The following ITPK1 variants were observed in gnomAD, a reference collection of about 807,000 sequenced individuals.
ITPK1 encodes the protein inositol 1,3,4-trisphosphate 5/6-kinase.
ITPK1 carries 21 observed loss-of-function variants against 45.3 expected under a neutral mutation model. The observed-to-expected ratio is 0.46, with a 90% CI of 0.33 to 0.67. The LOEUF is 0.67. ITPK1 is among the 30% of genes least tolerant of loss of function. The pLI is 0.02. For missense variants in ITPK1, 474 were observed against 573.5 expected, an observed-to-expected ratio of 0.83 and a Z score of 1.77; for synonymous variants, 258 against 253.6, an observed-to-expected ratio of 1.02 and a Z score of -0.16.
chr14:92,942,508 G>A (rs918864187), intron 10 of ITPK1, among the ~76,000 whole-genome samples: 1 of 152,210 alleles, frequency 6.6e-6, no homozygotes, highest in African/African-American at 2.4e-5. Flanking sequence ...CGCCCCAACT[G>A]AGTCTGCTTC....
chr14:93,097,726 C>T (rs768880047), intron 2 of ITPK1, among the ~76,000 whole-genome samples: 10 of 152,214 alleles, frequency 6.6e-5, no homozygotes, highest in Non-Finnish European at 1.0e-4. Context: ...TGGGAAAAAT[C>T]GGCCAGGCAC....
chr14:93,097,601 A>G (rs1892132899), intron 2 of ITPK1, among the ~76,000 whole-genome samples: 1 of 152,252 alleles, frequency 6.6e-6, no homozygotes, highest in Non-Finnish European at 1.5e-5. Flanking sequence ...ATGGGTTGTT[A>G]TGCATCAATA....
chr14:93,072,081 G>A (rs1462744111), intron 3 of ITPK1: 1 of 150,928 alleles, frequency 6.6e-6, no homozygotes. Context: ...ATCACCTGAG[G>A]TCAGCAGTTC....
Position 93,115,286 on chromosome 14 carries a change from C to A in ITPK1, c.-123G>T. On this transcript the variant is annotated 5_prime_UTR_variant, in exon 2 of 11. Transcript: ENST00000267615. ...GGCGGCGGGGACGCGGAACGGGGAT[C>A]GGAGCTGGGGCGCGCAGTCCTGCCG... is the stretch of plus-strand genomic sequence containing the variant. 1 of 619,710 alleles carries A rather than the reference C, an allele frequency of 1.6e-6. No homozygotes were observed. Among genetic ancestry groups the A allele is most frequent in the East Asian group, 3.4e-5 (1 of 29,802 alleles). 38.4% of individuals were successfully genotyped at this position (619,710 alleles called of 1,614,324 possible). A position where few individuals can be genotyped will look rare whatever the true frequency, so the allele number is the denominator to read the frequency against.
At chr14:93,088,336 G>GGT (rs1555375229) in intron 2 of ITPK1, among the ~76,000 whole-genome samples, 1 of 126,632 alleles carries the variant, frequency 7.9e-6, no homozygotes, top group Non-Finnish European at 1.5e-5. Flanking sequence ...TTTTGGTTTT[G>GGT]TTTTGTTTTT....
chr14:93,078,869 C>A (rs1417256031), intron 2 of ITPK1, among the ~76,000 whole-genome samples: 1 of 152,174 alleles, frequency 6.6e-6, no homozygotes, highest in Non-Finnish European at 1.5e-5. Context: ...CCTTGAGGAG[C>A]CAGCCCAAAC....
chr14:93,041,596 C>A (rs1048455701), intron 3 of ITPK1, among the ~76,000 whole-genome samples: 1 of 152,228 alleles, frequency 6.6e-6, no homozygotes, highest in Non-Finnish European at 1.5e-5. Flanking sequence ...GGCCCTGTGG[C>A]AGGCAGGCAG....
At chr14:93,077,758 G>A (rs1313457803) in intron 2 of ITPK1, among the ~76,000 whole-genome samples, 1 of 152,142 alleles carries the variant, frequency 6.6e-6, no homozygotes, top group Non-Finnish European at 1.5e-5. Context: ...GCCTCTCCAG[G>A]ACGCCTCCTA....
intron 2 of ITPK1, among the ~76,000 whole-genome samples, chr14:93,082,782 T>C (rs1240531051): frequency 6.6e-6 from 1 of 152,196 alleles, no homozygotes; most frequent in East Asian, 1.9e-4. Context: ...GCAGTACAAA[T>C]GGCACTGCCT....
intron 5 of ITPK1, among the ~76,000 whole-genome samples, chr14:92,977,731 T>C (rs192909914): frequency 3.3e-5 from 5 of 152,022 alleles, no homozygotes; most frequent in African/African-American, 9.7e-5. Flanking sequence ...TCCACCATCA[T>C]TGTAAGTTTC....
At position 93,097,424 on chromosome 14, in the gene ITPK1, C is replaced by A. The variant is rs182798839; in HGVS notation, c.95+17645G>T. 4.5e-4 allele frequency among the ~76,000 whole-genome samples: 69 copies of A among 152,280 alleles called. No individual in the cohort carries two copies. In the East Asian group the frequency reaches 0.013, roughly 28 times the overall value. ...AAGAAGGAGGCCAGGTCATGCCCAG[C>A]GCCTTCGGTTAGCCAAAGGTCAAGC... is the stretch of plus-strand genomic sequence containing the variant. On this transcript the variant is annotated intron_variant, in intron 2 of 10. Coordinates refer to ENST00000267615, the MANE Select transcript of ITPK1 (RefSeq NM_014216.6).
At chr14:93,073,269 G>A (rs745483701) in intron 3 of ITPK1, among the ~76,000 whole-genome samples, 7 of 152,198 alleles carry the variant, frequency 4.6e-5, no homozygotes, top group Non-Finnish European at 8.8e-5. Flanking sequence ...GCGGCCCTGC[G>A]CCTCACAGAG....
chr14:92,979,520 T>G, intron 5 of ITPK1, among the ~76,000 whole-genome samples: 1 of 152,188 alleles, frequency 6.6e-6, no homozygotes, highest in East Asian at 1.9e-4. Flanking sequence ...ATTCCCAATT[T>G]GGGGGAGGGA....
chr14:93,039,948 C>G (rs939915956), intron 3 of ITPK1, among the ~76,000 whole-genome samples: 1 of 152,204 alleles, frequency 6.6e-6, no homozygotes, highest in Admixed American at 6.5e-5. Flanking sequence ...GAGGGTGTCC[C>G]GCTGTGCAGG....
intron 9 of ITPK1, 29 bp downstream of exon 9, chr14:92,951,917 G>T: frequency 6.4e-7 from 1 of 1,552,740 alleles, no homozygotes; most frequent in Non-Finnish European, 8.7e-7. Context: ...GGCAGTTTCA[G>T]GCCAGGCCAT....
Position 93,016,812 on chromosome 14 carries a change from G to A in ITPK1, c.121-11C>T. On this transcript the variant is annotated splice_polypyrimidine_tract_variant and intron_variant, in intron 3 of 10. Coordinates refer to ENST00000267615, the MANE Select transcript of ITPK1 (RefSeq NM_014216.6). This position sits in a 1 kb window ranked among gnomAD's most constrained non-coding sequence, Gnocchi z 5.0. The stretch of plus-strand genomic sequence containing the variant: ...CCGGCTAAGGTTCAGCTGTGAGGCA[G>A]GGAACACAGACAAAAGCAACAACTT... The A allele has an allele frequency of 6.2e-7, 1 of 1,613,596 alleles. No individual in the cohort carries two copies. Among genetic ancestry groups the A allele is most frequent in the Non-Finnish European group, 8.5e-7 (1 of 1,179,702 alleles).
At chr14:93,095,706 A>G (rs576894055) in intron 2 of ITPK1, among the ~76,000 whole-genome samples, 21 of 152,054 alleles carry the variant, frequency 1.4e-4, no homozygotes, top group African/African-American at 5.1e-4. Context: ...GGTACTGAGC[A>G]TAGTACCCAA....
In ITPK1 at chr14:93,014,570, G is replaced by A. The variant is rs904923822; in HGVS notation, c.246+2106C>T. ...GCCCACCCAAGGAGGAAGGAACTGAGGCTGTGGGGAGGCACGCGGTTCCTA... is the reference window on the plus strand; with the variant it reads ...GCCCACCCAAGGAGGAAGGAACTGAAGCTGTGGGGAGGCACGCGGTTCCTA... On this transcript the variant is annotated intron_variant, in intron 4 of 10. Coordinates refer to ENST00000267615, the MANE Select transcript of ITPK1 (RefSeq NM_014216.6). The surrounding 1 kb of genome is among the most constrained non-coding windows in gnomAD (Gnocchi z 4.4). 5.9e-5 allele frequency among the ~76,000 whole-genome samples: 9 copies of A among 152,216 alleles called. No individual in the cohort carries two copies. The highest frequency in any genetic ancestry group is 2.2e-4 in the African/African-American group (9 of 41,458).
chr14:93,038,076 G>A (rs1326876442), intron 3 of ITPK1, among the ~76,000 whole-genome samples: 1 of 146,794 alleles, frequency 6.8e-6, no homozygotes, highest in Non-Finnish European at 1.5e-5. Flanking sequence ...TTTTTGAGAT[G>A]GAGCCTTGCT....
Sources: gnomAD v4.1 joint callset for allele counts (sites outside exome capture counted in the v4.1 genomes callset) on GRCh38, gnomAD v4.1.1 for gene constraint, Gnocchi (gnomAD v3.1) non-coding constraint, MANE v1.5 for transcripts, NCBI Gene and HGNC (gene_info 2026-07-23, HGNC 2026-07-21) for gene names.